Variants in MRTFB observed in about 807,000 individuals in gnomAD.
MRTFB encodes the protein myocardin-related transcription factor B.
MRTFB carries 29 observed loss-of-function variants against 104.2 expected under a neutral mutation model. That is an observed-to-expected ratio of 0.28 (90% CI 0.21 to 0.38). The LOEUF is 0.38. MRTFB is among the 10% of genes least tolerant of loss of function. MRTFB has a pLI of 1.00. For missense variants in MRTFB, 1,270 were observed against 1,341.6 expected (o/e 0.95, Z 0.83); for synonymous variants, 535 against 519.5 (o/e 1.03, Z -0.41).
intron 2 of MRTFB, among the ~76,000 whole-genome samples, chr16:14,125,610 T>C (rs949233742): frequency 1.3e-5 from 2 of 152,238 alleles, no homozygotes; most frequent in African/African-American, 2.4e-5. Context: ...TGTAAACATA[T>C]TGTTTCCACT....
chr16:14,111,597 G>A (rs530964462), intron 2 of MRTFB, among the ~76,000 whole-genome samples: 62 of 152,336 alleles, frequency 4.1e-4, no homozygotes, highest in African/African-American at 1.4e-3. Flanking sequence ...TGGGCAAACT[G>A]AGAGTTGGGT....
the MRTFB span, among the ~76,000 whole-genome samples, chr16:14,058,599 G>C: frequency 6.6e-6 from 1 of 151,878 alleles, no homozygotes; most frequent in East Asian, 1.9e-4. Flanking sequence ...AAGTGGCAAA[G>C]ACTGGATCAG....
the MRTFB span, among the ~76,000 whole-genome samples, chr16:14,005,896 T>G: frequency 6.6e-6 from 1 of 152,214 alleles, no homozygotes; most frequent in East Asian, 1.9e-4. Context: ...AATATCATGT[T>G]CCACTGCCAA....
chr16:14,067,220 C>CTTTTT (rs1236193770), upstream of MRTFB, among the ~76,000 whole-genome samples: 1 of 127,972 alleles, frequency 7.8e-6, no homozygotes, highest in Non-Finnish European at 1.7e-5. Flanking sequence ...TGTTAACCCT[C>CTTTTT]TTTTTTTTTT....
At chr16:14,009,658 GC>G in the MRTFB span, 1 of 152,152 alleles carries the variant, frequency 6.6e-6, no homozygotes, top group Non-Finnish European at 1.5e-5. Flanking sequence ...TTTCATAGAT[GC>G]CCTTTATCTG....
At chr16:14,040,525 C>T in the MRTFB span, among the ~76,000 whole-genome samples, 7 of 150,800 alleles carry the variant, frequency 4.6e-5, no homozygotes, top group Admixed American at 1.3e-4. Flanking sequence ...TGCAGTGGCA[C>T]AATCTCAGCT....
intron 3 of MRTFB, chr16:14,148,568 C>T (rs2038442353): frequency 6.6e-6 from 1 of 152,526 alleles, no homozygotes; most frequent in Non-Finnish European, 1.5e-5. Flanking sequence ...TAATAATTAC[C>T]TAGACTAATT....
chr16:14,197,216 C>T (rs2040477979), intron 3 of MRTFB, among the ~76,000 whole-genome samples: 1 of 151,968 alleles, frequency 6.6e-6, no homozygotes, highest in African/African-American at 2.4e-5. Flanking sequence ...TCAAGTGATC[C>T]GCCTGCCTAA....
chr16:14,015,841 C>T, the MRTFB span: 1 of 398,520 alleles, frequency 2.5e-6, no homozygotes, highest in Non-Finnish European at 4.4e-6. Flanking sequence ...AGTGGGCTTT[C>T]CCAGAAGGTT....
chr16:14,082,083 G>A (rs2034446471), intron 2 of MRTFB, among the ~76,000 whole-genome samples: 1 of 152,164 alleles, frequency 6.6e-6, no homozygotes, highest in South Asian at 2.1e-4. Context: ...TATTGCCTGT[G>A]TTTTGGGGTT....
At chr16:14,055,871 C>G in the MRTFB span, among the ~76,000 whole-genome samples, 2 of 152,144 alleles carry the variant, frequency 1.3e-5, no homozygotes, top group East Asian at 1.9e-4. Flanking sequence ...TGTTTGCTCA[C>G]TTAAACTTTA....
At chr16:14,184,878 T>C (rs1309739687) in intron 3 of MRTFB, among the ~76,000 whole-genome samples, 4 of 152,184 alleles carry the variant, frequency 2.6e-5, no homozygotes, top group African/African-American at 4.8e-5. Flanking sequence ...TACCTGCTAC[T>C]TAGAAGCTTT....
chr16:14,055,480 G>T, the MRTFB span, among the ~76,000 whole-genome samples: 1 of 152,124 alleles, frequency 6.6e-6, no homozygotes, highest in Non-Finnish European at 1.5e-5. Flanking sequence ...ATTACATTTA[G>T]CCATCAGTTC....
the MRTFB span, among the ~76,000 whole-genome samples, chr16:14,004,727 G>A: frequency 6.6e-6 from 1 of 152,230 alleles, no homozygotes; most frequent in Non-Finnish European, 1.5e-5. Flanking sequence ...GCTCTGTGCT[G>A]CAACTGACAT....
chr16:14,081,477 G>A (rs891866648), intron 2 of MRTFB, among the ~76,000 whole-genome samples: 3 of 152,114 alleles, frequency 2.0e-5, no homozygotes, highest in Admixed American at 1.3e-4. Flanking sequence ...ATTTTTAGTA[G>A]AGACGGGGTT....
chr16:14,140,748 G>T lies in MRTFB; in HGVS notation c.142G>T (p.Glu48Ter), dbSNP rs760304960. 6.2e-7 allele frequency: 1 copy of T among 1,613,826 alleles called. No individual in the cohort carries two copies. The highest frequency in any genetic ancestry group is 1.3e-5 in the African/African-American group (1 of 74,896). The stretch of plus-strand genomic sequence containing the variant: ...CAGTCAAAACTTACCCCCTCTGAAC[G>T]AAAGGAAAAATGGTGAGTTCAGCAT... ...QSSQNLPPLN[E>*]RKNVLQLRLQ... Residue 48 changes from glutamate to a stop codon, truncating the protein, a stop_gained, in exon 3 of 17, where the codon GAA becomes TAA. Coordinates refer to ENST00000571589, the MANE Select transcript of MRTFB (RefSeq NM_001308142.2). LOFTEE classifies it high-confidence loss of function.
chr16:14,063,532 T>C, the MRTFB span, among the ~76,000 whole-genome samples: 2 of 152,140 alleles, frequency 1.3e-5, no homozygotes, highest in African/African-American at 4.8e-5. Flanking sequence ...TAAACCCAAG[T>C]GTCTATTGTT....
chr16:14,195,653 C>A, intron 3 of MRTFB: 1 of 714,828 alleles, frequency 1.4e-6, no homozygotes, highest in Non-Finnish European at 1.7e-6. Flanking sequence ...ATTCAGAGAG[C>A]CCACCTTACG....
the MRTFB span, among the ~76,000 whole-genome samples, chr16:14,044,718 A>G: frequency 6.6e-6 from 1 of 152,290 alleles, no homozygotes; most frequent in South Asian, 2.1e-4. Context: ...TGATATTGCC[A>G]TATTATCTTG....
Sources: allele counts gnomAD v4.1 joint callset (sites outside exome capture counted in the v4.1 genomes callset), GRCh38; gene constraint gnomAD v4.1.1; transcripts MANE v1.5; gene names NCBI Gene and HGNC (gene_info 2026-07-23, HGNC 2026-07-21).